ASIC2: variants seen among roughly 807,000 people sequenced by gnomAD.
ASIC2 encodes the protein acid-sensing ion channel 2.
In ASIC2, 25 loss-of-function variants were observed where a neutral mutation model predicts 57.3. The ratio of observed to expected loss-of-function variants is 0.44; its 90% confidence interval spans 0.32 to 0.61. ASIC2 has a LOEUF of 0.61. Ranked by LOEUF, ASIC2 falls within the 20% of genes least tolerant of loss-of-function variation. The pLI, the probability that ASIC2 is intolerant of heterozygous loss-of-function variation, is 0.06. For synonymous variants in ASIC2, 319 were observed against 307.5 expected (o/e 1.04, Z -0.39); for missense variants, 641 against 738.1 (o/e 0.87, Z 1.52).
In ASIC2 at chr17:33,013,792, G is replaced by C. The variant is rs143229408; in HGVS notation, c.*173C>G. On this transcript the variant is annotated 3_prime_UTR_variant, in exon 10 of 10. Coordinates refer to ENST00000225823, the MANE Select transcript of ASIC2 (RefSeq NM_183377.2). ...GACGCACGGCGGGGCCCAAGGATGC[G>C]TCGTGTTGGACGTGGCCGGAGCGAG... 6.3e-6 allele frequency: 4 copies of C among 635,292 alleles called. No homozygotes were observed. The highest frequency in any genetic ancestry group is 1.1e-5 in the Non-Finnish European group (4 of 352,950). The allele number at this position is 635,292 out of a possible 1,614,324, so 39.4% of individuals were successfully genotyped here.
At chr17:33,412,585 C>T (rs76585735) in intron 1 of ASIC2, among the ~76,000 whole-genome samples, 14,562 of 152,226 alleles carry the variant, frequency 0.096, 816 homozygotes, top group Non-Finnish European at 0.13. Flanking sequence ...CCTGGTCTTG[C>T]TGAGGCAAAA....
At chr17:33,720,690 C>T (rs778381072) in intron 1 of ASIC2, among the ~76,000 whole-genome samples, 4 of 152,192 alleles carry the variant, frequency 2.6e-5, no homozygotes, top group Non-Finnish European at 4.4e-5. Flanking sequence ...AGGTTGACCT[C>T]ATTTGGGATA....
At chr17:34,023,396 C>T (rs1340856578) in intron 1 of ASIC2, among the ~76,000 whole-genome samples, 2 of 151,822 alleles carry the variant, frequency 1.3e-5, no homozygotes, top group Non-Finnish European at 2.9e-5. Flanking sequence ...CACACACACA[C>T]ACACACACAC....
intron 1 of ASIC2, among the ~76,000 whole-genome samples, chr17:33,328,598 C>T (rs1231219154): frequency 6.6e-6 from 1 of 152,124 alleles, no homozygotes; most frequent in South Asian, 2.1e-4. Context: ...GGGGTACATG[C>T]GATACTTGCT....
chr17:33,551,356 G>A (rs1195728250), intron 1 of ASIC2, among the ~76,000 whole-genome samples: 3 of 152,140 alleles, frequency 2.0e-5, no homozygotes, highest in African/African-American at 7.2e-5. Flanking sequence ...GACGCTGTTA[G>A]GACTCATTCT....
chr17:33,609,103 T>C (rs1039811342), intron 1 of ASIC2, among the ~76,000 whole-genome samples: 4 of 152,174 alleles, frequency 2.6e-5, no homozygotes, highest in Non-Finnish European at 5.9e-5. Flanking sequence ...CTTCTCCCTA[T>C]CTCTTTGGAC....
chr17:33,492,566 C>T (rs1337296139), intron 1 of ASIC2, among the ~76,000 whole-genome samples: 2 of 152,220 alleles, frequency 1.3e-5, no homozygotes, highest in Admixed American at 1.3e-4. Context: ...CCCAGGGTCA[C>T]ACCACCTTGT....
intron 2 of ASIC2, among the ~76,000 whole-genome samples, chr17:33,098,949 TATATATAAACAAAA>T (rs1036124733): frequency 7.4e-6 from 1 of 135,722 alleles, no homozygotes; most frequent in Admixed American, 7.3e-5. Context: ...ACACAAAATA[TATATATAAACAAAA>T]ATATATAAAC....
At chr17:33,583,822 A>T (rs1241407949) in intron 1 of ASIC2, among the ~76,000 whole-genome samples, 1 of 152,144 alleles carries the variant, frequency 6.6e-6, no homozygotes, top group Non-Finnish European at 1.5e-5. Context: ...CATTTTATTC[A>T]GTCACAGCAT....
At chr17:33,813,591 C>T (rs1230363292) in intron 1 of ASIC2, among the ~76,000 whole-genome samples, 1 of 152,140 alleles carries the variant, frequency 6.6e-6, no homozygotes, top group Non-Finnish European at 1.5e-5. Flanking sequence ...CGCCCGCCAC[C>T]AAGCCCGGCT....
At chr17:33,047,321 C>G (rs369003757) in intron 3 of ASIC2, among the ~76,000 whole-genome samples, 3 of 152,194 alleles carry the variant, frequency 2.0e-5, no homozygotes, top group African/African-American at 7.2e-5. Flanking sequence ...GGCGGAGCTA[C>G]TTTACAGATC....
At chr17:34,081,172 T>C (rs1054700006) in intron 1 of ASIC2, among the ~76,000 whole-genome samples, 5 of 152,074 alleles carry the variant, frequency 3.3e-5, no homozygotes, top group East Asian at 1.9e-4. Flanking sequence ...CTGGCTTTCA[T>C]AGATGCACCC....
chr17:33,418,517 C>A (rs1486705078), intron 1 of ASIC2, among the ~76,000 whole-genome samples: 1 of 152,162 alleles, frequency 6.6e-6, no homozygotes, highest in African/African-American at 2.4e-5. Flanking sequence ...ACGTTTAAGT[C>A]TTTAATCCAT....
intron 1 of ASIC2, among the ~76,000 whole-genome samples, chr17:33,368,609 G>A (rs1487185935): frequency 6.6e-6 from 1 of 152,208 alleles, no homozygotes; most frequent in African/African-American, 2.4e-5. Flanking sequence ...CGTTAGCACT[G>A]AGTTGCGTGA....
At chr17:33,779,088 C>G (rs9909514) in intron 1 of ASIC2, among the ~76,000 whole-genome samples, 6,250 of 152,170 alleles carry the variant, frequency 0.041, 269 homozygotes, top group African/African-American at 0.12. Context: ...GCCCAGACCA[C>G]TTTTAATAGA....
chr17:34,031,854 G>A (rs949923988), intron 1 of ASIC2, among the ~76,000 whole-genome samples: 1 of 152,192 alleles, frequency 6.6e-6, no homozygotes, highest in African/African-American at 2.4e-5. Context: ...AAGACTTATG[G>A]CAGTATGTGG....
intron 1 of ASIC2, among the ~76,000 whole-genome samples, chr17:33,915,125 C>T (rs569192092): frequency 1.3e-5 from 2 of 152,238 alleles, no homozygotes; most frequent in African/African-American, 4.8e-5. Context: ...TTAAATGGCT[C>T]CATTTCCTTG....
At chr17:33,857,707 G>A (rs1409784357) in intron 1 of ASIC2, among the ~76,000 whole-genome samples, 1 of 152,164 alleles carries the variant, frequency 6.6e-6, no homozygotes, top group Non-Finnish European at 1.5e-5. Flanking sequence ...TAGGTCAGTT[G>A]GTGAATCCAG....
At chr17:33,600,380 C>T (rs1201789929) in intron 1 of ASIC2, among the ~76,000 whole-genome samples, 1 of 152,142 alleles carries the variant, frequency 6.6e-6, no homozygotes, top group Non-Finnish European at 1.5e-5. Flanking sequence ...AACCATGAGC[C>T]AGAGAAATTT....
Sources: allele counts gnomAD v4.1 joint callset (sites outside exome capture counted in the v4.1 genomes callset), GRCh38; gene constraint gnomAD v4.1.1; transcripts MANE v1.5; gene names NCBI Gene and HGNC (gene_info 2026-07-23, HGNC 2026-07-21).